The following TP63 variants were observed in gnomAD, a reference collection of about 807,000 sequenced individuals.
TP63 encodes tumor protein p63.
A neutral mutation model predicts 82.8 loss-of-function variants in TP63; 17 were observed. The observed-to-expected ratio is 0.21, with a 90% CI of 0.14 to 0.31. The LOEUF (loss-of-function observed/expected upper bound fraction) is 0.31. TP63 is among the 10% of genes least tolerant of loss of function. The probability of loss-of-function intolerance (pLI) is 1.00; values close to 1 mark genes in which losing one functional copy is unlikely to be tolerated. For synonymous variants in TP63, 330 were observed against 321.7 expected (o/e 1.03, Z -0.28); for missense variants, 648 against 895.3 (o/e 0.72, Z 3.52).
chr3:189,737,452 G>A (rs1041996713), intron 1 of TP63, among the ~76,000 whole-genome samples: 4 of 152,072 alleles, frequency 2.6e-5, no homozygotes, highest in Admixed American at 1.3e-4. Flanking sequence ...CACAGATGTC[G>A]GATAGTGGAG....
chr3:189,879,931 T>C (rs1158721007), intron 10 of TP63: 1 of 1,243,478 alleles, frequency 8.0e-7, no homozygotes, highest in Admixed American at 3.3e-5. Flanking sequence ...AGAACAAAAA[T>C]AGCTTTTCAG....
intron 4 of TP63, among the ~76,000 whole-genome samples, chr3:189,815,419 C>T (rs965380494): frequency 2.0e-5 from 3 of 152,104 alleles, no homozygotes; most frequent in African/African-American, 7.2e-5. Flanking sequence ...GGCAAAAGAG[C>T]TTATATACTG....
intron 10 of TP63, chr3:189,880,339 G>A (rs910771775): frequency 7.8e-7 from 1 of 1,280,612 alleles, no homozygotes; most frequent in East Asian, 2.9e-5. Flanking sequence ...AGCCACTAGT[G>A]AGAGAATCTT....
chr3:189,627,754 G>A (rs930324773), upstream of TP63, among the ~76,000 whole-genome samples: 4 of 152,148 alleles, frequency 2.6e-5, no homozygotes, highest in African/African-American at 9.7e-5. Context: ...CGATTGCAAA[G>A]TGGTATGAGG....
chr3:189,787,251 G>T lies in TP63; in HGVS notation c.325-21021G>T, dbSNP rs538098823. Among the ~76,000 whole-genome samples the T allele has an allele frequency of 3.3e-5, 5 of 152,180 alleles. No homozygotes were observed. In the South Asian group the frequency reaches 1.0e-3, roughly 32 times the overall value. On this transcript the variant is annotated intron_variant, in intron 3 of 13. Coordinates refer to ENST00000264731, the MANE Select transcript of TP63 (RefSeq NM_003722.5). Reference sequence around the variant, plus strand: ...CAAACTGAGGGACAAATAAATATCCGAGTAAAATCAGAGGAATATCCTCTA... The same window carrying T: ...CAAACTGAGGGACAAATAAATATCCTAGTAAAATCAGAGGAATATCCTCTA...
chr3:189,764,812 T>G (rs967493533), intron 3 of TP63, among the ~76,000 whole-genome samples: 3 of 152,198 alleles, frequency 2.0e-5, no homozygotes, highest in Non-Finnish European at 4.4e-5. Context: ...TAAAATCTCA[T>G]TTTTGTACTT....
Position 189,894,608 on chromosome 3 carries a change from G to A in TP63, c.*106G>A, listed in dbSNP as rs1721337732. 2.2e-6 allele frequency: 3 copies of A among 1,375,880 alleles called. No homozygotes were observed. Among genetic ancestry groups the A allele is most frequent in the Non-Finnish European group, 3.0e-6 (3 of 1,002,146 alleles). 85.2% of individuals were successfully genotyped at this position (1,375,880 alleles called of 1,614,324 possible). ...CTCCCTAGCTCCTCCCCTTCCTCTT[G>A]TCTGATTTCTTAGGGGAAGGAGAAG... On this transcript the variant is annotated 3_prime_UTR_variant, in exon 14 of 14. Coordinates refer to ENST00000264731, the MANE Select transcript of TP63 (RefSeq NM_003722.5).
intron 3 of TP63, among the ~76,000 whole-genome samples, chr3:189,750,855 C>T (rs953059413): frequency 3.3e-5 from 5 of 152,166 alleles, no homozygotes; most frequent in South Asian, 2.1e-4. Context: ...TTCTAAGGTA[C>T]GTGTGCACCA....
chr3:189,709,072 A>G (rs930634669), intron 1 of TP63, among the ~76,000 whole-genome samples: 1 of 152,124 alleles, frequency 6.6e-6, no homozygotes, highest in South Asian at 2.1e-4. Context: ...TTATTTCATC[A>G]TCTCACTTTT....
intron 4 of TP63, among the ~76,000 whole-genome samples, chr3:189,853,167 G>A (rs1577107680): frequency 6.6e-6 from 1 of 152,136 alleles, no homozygotes; most frequent in Non-Finnish European, 1.5e-5. Context: ...TTATTGGCAG[G>A]AGCCCCCTGA....
At chr3:189,701,318 C>A (rs535210698) in intron 1 of TP63, among the ~76,000 whole-genome samples, 2 of 151,920 alleles carry the variant, frequency 1.3e-5, no homozygotes, top group Non-Finnish European at 2.9e-5. Context: ...TATGAAAATT[C>A]ATTTCTCCGT....
At chr3:189,771,271 A>G (rs1723317517) in intron 3 of TP63, among the ~76,000 whole-genome samples, 1 of 141,530 alleles carries the variant, frequency 7.1e-6, no homozygotes, top group African/African-American at 2.6e-5. Context: ...TAAAGCTAAG[A>G]CAAATATATA....
intron 3 of TP63, among the ~76,000 whole-genome samples, chr3:189,777,839 C>CTTTTTT: frequency 1.2e-5 from 1 of 80,420 alleles, no homozygotes; most frequent in Non-Finnish European, 2.4e-5. Flanking sequence ...TCTTCTTCTT[C>CTTTTTT]TTCTTCTTTT....
intron 1 of TP63, among the ~76,000 whole-genome samples, chr3:189,643,103 G>A (rs1008644277): frequency 2.0e-5 from 3 of 152,016 alleles, no homozygotes; most frequent in Admixed American, 6.6e-5. Context: ...CCGGGTTCAG[G>A]CAATTCTCCT....
At chr3:189,687,990 G>A (rs1175245833) in intron 1 of TP63, among the ~76,000 whole-genome samples, 1 of 143,122 alleles carries the variant, frequency 7.0e-6, no homozygotes, top group Non-Finnish European at 1.6e-5. Context: ...AAAGTAATGT[G>A]ATCTGAAAGA....
intron 11 of TP63, among the ~76,000 whole-genome samples, chr3:189,888,189 G>A (rs1720668507): frequency 6.6e-6 from 1 of 152,128 alleles, no homozygotes; most frequent in African/African-American, 2.4e-5. Flanking sequence ...ATAGAGGTGT[G>A]TGTGTTTGCA....
At chr3:189,797,134 T>C (rs1725786538) in intron 3 of TP63, among the ~76,000 whole-genome samples, 2 of 152,102 alleles carry the variant, frequency 1.3e-5, no homozygotes, top group Admixed American at 1.3e-4. Context: ...TTGCATCTTG[T>C]CTGTATTTCT....
At chr3:189,821,061 C>A (rs569999467) in intron 4 of TP63, among the ~76,000 whole-genome samples, 22 of 152,200 alleles carry the variant, frequency 1.4e-4, no homozygotes, top group African/African-American at 5.1e-4. Context: ...TTCTTTGAAA[C>A]TTCCAGGAAG....
chr3:189,673,920 A>T (rs991038785), intron 1 of TP63, among the ~76,000 whole-genome samples: 1 of 152,134 alleles, frequency 6.6e-6, no homozygotes, highest in Non-Finnish European at 1.5e-5. Flanking sequence ...AAATAGTTTT[A>T]TTATTGTTAT....
Sources: gnomAD v4.1 joint callset for allele counts (sites outside exome capture counted in the v4.1 genomes callset) on GRCh38, gnomAD v4.1.1 for gene constraint, MANE v1.5 for transcripts, NCBI Gene and HGNC (gene_info 2026-07-23, HGNC 2026-07-21) for gene names.